Variants in SPOCK1 observed in about 807,000 individuals in gnomAD.
SPOCK1 encodes the protein SPARC (osteonectin), cwcv and kazal like domains proteoglycan 1.
Under a neutral mutation model 55.3 loss-of-function variants are expected in SPOCK1, and 23 were observed. That is an observed-to-expected ratio of 0.42 (90% CI 0.30 to 0.59). The LOEUF (loss-of-function observed/expected upper bound fraction) is 0.59, where lower values mean the gene tolerates loss of function less well. Among genes scored for constraint, SPOCK1 ranks in the 20% least tolerant of loss-of-function variants. The probability of loss-of-function intolerance (pLI) is 0.22; values close to 1 mark genes in which losing one functional copy is unlikely to be tolerated. For synonymous variants in SPOCK1, 226 were observed against 221.0 expected, an observed-to-expected ratio of 1.02 and a Z score of -0.20; for missense variants, 499 against 552.5, an observed-to-expected ratio of 0.90 and a Z score of 0.97.
intron 2 of SPOCK1, among the ~76,000 whole-genome samples, chr5:137,478,010 C>G (rs189172493): frequency 2.4e-4 from 37 of 152,318 alleles, no homozygotes; most frequent in African/African-American, 8.9e-4. Flanking sequence ...AGTTCCCCTT[C>G]TTTTCCTTAG....
chr5:137,440,409 G>C (rs142958666), intron 2 of SPOCK1, among the ~76,000 whole-genome samples: 3 of 152,208 alleles, frequency 2.0e-5, no homozygotes, highest in East Asian at 3.8e-4. Flanking sequence ...GGAAGAGTAT[G>C]TACAGTTAGC....
At chr5:137,396,890 C>T (rs1751860181) in intron 2 of SPOCK1, among the ~76,000 whole-genome samples, 1 of 152,114 alleles carries the variant, frequency 6.6e-6, no homozygotes, top group African/African-American at 2.4e-5. Context: ...CCATCTATCC[C>T]CCTTAAAAAA....
At chr5:137,308,751 T>C (rs1757743290) in intron 2 of SPOCK1, among the ~76,000 whole-genome samples, 1 of 152,220 alleles carries the variant, frequency 6.6e-6, no homozygotes, top group Non-Finnish European at 1.5e-5. Context: ...GATTGGACCC[T>C]GACAGATACA....
In SPOCK1 at chr5:137,129,673, G is replaced by A. The variant is rs549992253; in HGVS notation, c.347+10907C>T. 4.6e-5 allele frequency among the ~76,000 whole-genome samples: 7 copies of A among 152,300 alleles called. No homozygotes were observed. The East Asian group carries it at 1.3e-3, about 29-fold the overall frequency. ...GTGGAGTCAGTCAGGGGCTTGATGT[G>A]CAGGTCTGAAGATATCTCAAAAGAT... On this transcript the variant is annotated intron_variant, in intron 4 of 10. Transcript: ENST00000394945.
At chr5:137,498,266 CCACA>C (rs544933594) in intron 2 of SPOCK1, 103 bp downstream of exon 2, 84,143 of 785,090 alleles carry the variant, frequency 0.11, 1,281 homozygotes, top group Middle Eastern at 0.15. Flanking sequence ...CCCCTCCCAA[CCACA>C]CACACACACA....
intron 2 of SPOCK1, among the ~76,000 whole-genome samples, chr5:137,352,698 A>G (rs967052359): frequency 2.6e-5 from 4 of 152,144 alleles, no homozygotes. Context: ...GTGGAGGAGA[A>G]GGAGGCATTT....
rs1290706555 is a variant in SPOCK1, at chr5:137,498,487, C to T, written c.72G>A (p.Leu24=). ...WCFLQVESRH[L]DALAGGAGPN... is the part of the protein sequence containing the mutation. Reference sequence around the variant, plus strand: ...GGCCCGCGCCTCCGGCGAGCGCGTCCAGGTGCCGGCTCTCGACTTGGAGGA... The same window carrying T: ...GGCCCGCGCCTCCGGCGAGCGCGTCTAGGTGCCGGCTCTCGACTTGGAGGA... The change falls in exon 2 of 11, where the codon CTG becomes CTA. Residue 24 remains leucine, a synonymous_variant. Coordinates refer to ENST00000394945, the MANE Select transcript of SPOCK1 (RefSeq NM_004598.4). 1.3e-6 allele frequency: 2 copies of T among 1,594,880 alleles called. No homozygotes were observed. Among genetic ancestry groups the T allele is most frequent in the Non-Finnish European group, 1.7e-6 (2 of 1,173,510 alleles).
intron 2 of SPOCK1, among the ~76,000 whole-genome samples, chr5:137,445,908 TC>T (rs1315553365): frequency 6.6e-6 from 1 of 152,220 alleles, no homozygotes; most frequent in Non-Finnish European, 1.5e-5. Flanking sequence ...GATATAGTTT[TC>T]TAAATTCCAA....
At chr5:137,161,058 T>C (rs1754547549) in intron 3 of SPOCK1, among the ~76,000 whole-genome samples, 1 of 146,834 alleles carries the variant, frequency 6.8e-6, no homozygotes, top group Non-Finnish European at 1.5e-5. Context: ...ATCTCTCTAA[T>C]ATATTATATA....
intron 6 of SPOCK1, among the ~76,000 whole-genome samples, chr5:137,020,730 C>A (rs980708084): frequency 1.3e-5 from 2 of 151,624 alleles, no homozygotes; most frequent in African/African-American, 2.4e-5. Flanking sequence ...TAAAAGACAA[C>A]CCAATACAAA....
Position 137,448,486 on chromosome 5 carries a change from C to A in SPOCK1, c.186+49887G>T, listed in dbSNP as rs76562363. 9.1e-4 allele frequency among the ~76,000 whole-genome samples: 138 copies of A among 152,224 alleles called. 1 individual carries two copies. Among genetic ancestry groups the A allele is most frequent in the East Asian group, 5.6e-3 (29 of 5,174 alleles). The stretch of plus-strand genomic sequence containing the variant: ...AAGTGCAACCCCAGAGATCCCCAAA[C>A]ACCTACAGATGCCACCTGACTCCCT... On this transcript the variant is annotated intron_variant, in intron 2 of 10. Coordinates refer to ENST00000394945, the MANE Select transcript of SPOCK1 (RefSeq NM_004598.4).
In SPOCK1 at chr5:136,980,522, C is replaced by T. The variant is rs111800328; in HGVS notation, c.992-1053G>A. 2.4e-4 allele frequency among the ~76,000 whole-genome samples: 36 copies of T among 152,188 alleles called. 1 individual carries two copies. In the Middle Eastern group the frequency reaches 0.02, roughly 86 times the overall value. ...ACAGGAGGTAATTGAATCATGGGGG[C>T]GAGTTTTTCCCATGCTGTTCTTATG... On this transcript the variant is annotated intron_variant, in intron 9 of 10. Coordinates refer to ENST00000394945, the MANE Select transcript of SPOCK1 (RefSeq NM_004598.4).
At chr5:137,466,109 T>C (rs553521687) in intron 2 of SPOCK1, among the ~76,000 whole-genome samples, 1 of 152,242 alleles carries the variant, frequency 6.6e-6, no homozygotes, top group Non-Finnish European at 1.5e-5. Context: ...TGGTTAAATG[T>C]GCAAACAATT....
chr5:137,033,301 A>G (rs1751819745), intron 6 of SPOCK1, among the ~76,000 whole-genome samples: 1 of 152,234 alleles, frequency 6.6e-6, no homozygotes, highest in African/African-American at 2.4e-5. Context: ...GCTGAACTCC[A>G]CAGGAGAGGA....
chr5:137,011,829 G>C (rs1751356620), intron 6 of SPOCK1, among the ~76,000 whole-genome samples: 1 of 152,090 alleles, frequency 6.6e-6, no homozygotes, highest in Non-Finnish European at 1.5e-5. Context: ...TGCACCTAAG[G>C]GGTCCACTAG....
intron 2 of SPOCK1, among the ~76,000 whole-genome samples, chr5:137,332,971 GCA>G (rs1169319410): frequency 6.6e-6 from 1 of 152,174 alleles, no homozygotes; most frequent in Non-Finnish European, 1.5e-5. Flanking sequence ...CTAAAAAGTG[GCA>G]CAGATTGATA....
At position 137,252,256 on chromosome 5, in the gene SPOCK1, T is replaced by C. The variant is rs184383883; in HGVS notation, c.232+14754A>G. 1.6e-4 allele frequency among the ~76,000 whole-genome samples: 25 copies of C among 152,228 alleles called. No individual in the cohort carries two copies. The Middle Eastern group carries it at 0.017, about 104-fold the overall frequency. On this transcript the variant is annotated intron_variant, in intron 3 of 10. Coordinates refer to ENST00000394945, the MANE Select transcript of SPOCK1 (RefSeq NM_004598.4). ...CACTTTCTTAATTACAATTCTCCCA[T>C]CTCCCCCCATGCTATCTGGAAATTT...
At chr5:137,066,963 T>TACAC (rs147918575) in intron 6 of SPOCK1, among the ~76,000 whole-genome samples, 4,595 of 126,022 alleles carry the variant, frequency 0.036, 100 homozygotes, top group African/African-American at 0.052. Context: ...AACATAAGCA[T>TACAC]ACACACACAC....
intron 5 of SPOCK1, among the ~76,000 whole-genome samples, chr5:137,107,653 A>C (rs1454569773): frequency 6.6e-6 from 1 of 152,140 alleles, no homozygotes; most frequent in African/African-American, 2.4e-5. Flanking sequence ...TCAGGGCATT[A>C]GAAGAGGCCT....
Sources: allele counts gnomAD v4.1 joint callset (sites outside exome capture counted in the v4.1 genomes callset), GRCh38; gene constraint gnomAD v4.1.1; transcripts MANE v1.5; gene names NCBI Gene and HGNC (gene_info 2026-07-23, HGNC 2026-07-21).